GPR149: variants seen among roughly 807,000 people sequenced by gnomAD.
GPR149 encodes the protein G protein-coupled receptor 149, also known as probable G protein-coupled receptor 149.
A neutral mutation model predicts 50.2 loss-of-function variants in GPR149; 50 were observed. That is an observed-to-expected ratio of 1.00 (90% CI 0.79 to 1.26). The LOEUF (loss-of-function observed/expected upper bound fraction) is 1.26, where lower values mean the gene tolerates loss of function less well. Among genes scored for constraint, GPR149 ranks in the 50% most tolerant of loss-of-function variants. The probability of loss-of-function intolerance (pLI) is 0.00; values close to 1 mark genes in which losing one functional copy is unlikely to be tolerated. For missense variants in GPR149, 983 were observed against 895.4 expected (o/e 1.10, Z -1.25); for synonymous variants, 405 against 358.2 (o/e 1.13, Z -1.48).
chr3:154,371,952 G>A (rs1714675263), intron 3 of GPR149, among the ~76,000 whole-genome samples: 1 of 151,756 alleles, frequency 6.6e-6, no homozygotes, highest in Non-Finnish European at 1.5e-5. Flanking sequence ...AACCTCAAAT[G>A]AGCTCAACTC....
chr3:154,403,878 G>A (rs560756948), intron 3 of GPR149, among the ~76,000 whole-genome samples: 9 of 152,286 alleles, frequency 5.9e-5, no homozygotes, highest in Non-Finnish European at 4.4e-5. Context: ...TATGGGTGCT[G>A]CTCAGTACAG....
At chr3:154,415,620 G>T (rs2108426410) in intron 3 of GPR149, among the ~76,000 whole-genome samples, 1 of 151,924 alleles carries the variant, frequency 6.6e-6, no homozygotes, top group South Asian at 2.1e-4. Context: ...ACTTTTTTTG[G>T]TTTGTATGTT....
chr3:154,414,215 A>G (rs942986665), intron 3 of GPR149, among the ~76,000 whole-genome samples: 6 of 151,878 alleles, frequency 4.0e-5, no homozygotes, highest in African/African-American at 1.4e-4. Flanking sequence ...AGTGTACACT[A>G]CTCGGGTGAT....
chr3:154,409,446 A>G (rs965486864), intron 3 of GPR149, among the ~76,000 whole-genome samples: 3 of 152,150 alleles, frequency 2.0e-5, no homozygotes, highest in Admixed American at 2.0e-4. Flanking sequence ...GGCACCAAAG[A>G]AAGGTGAAGT....
intron 3 of GPR149, among the ~76,000 whole-genome samples, chr3:154,380,721 A>T (rs112745048): frequency 2.9e-5 from 3 of 103,450 alleles, no homozygotes; most frequent in Non-Finnish European, 7.9e-5. Flanking sequence ...AGTTTTTTTT[A>T]AATGAAAACC....
At chr3:154,420,908 T>C (rs1712121948) in intron 3 of GPR149, 131 bp downstream of exon 3, 1 of 658,800 alleles carries the variant, frequency 1.5e-6, no homozygotes, top group South Asian at 2.1e-5. Flanking sequence ...TTAAATAGCA[T>C]GGAAATTAAT....
chr3:154,380,682 A>G (rs1714902934), intron 3 of GPR149, among the ~76,000 whole-genome samples: 1 of 147,796 alleles, frequency 6.8e-6, no homozygotes, highest in South Asian at 2.2e-4. Context: ...ACTCTATAAA[A>G]GCATTTAAGA....
Position 154,429,680 on chromosome 3 carries a change from G to T in GPR149, c.-65C>A. The T allele has an allele frequency of 1.4e-6, 2 of 1,397,454 alleles. No individual in the cohort carries two copies. The highest frequency in any genetic ancestry group is 1.9e-5 in the Admixed American group (1 of 51,398). The allele number at this position is 1,397,454 out of a possible 1,614,324, so 86.6% of individuals were successfully genotyped here. A position where few individuals can be genotyped will look rare whatever the true frequency, so the allele number is the denominator to read the frequency against. On this transcript the variant is annotated 5_prime_UTR_variant, in exon 1 of 4. Coordinates refer to ENST00000389740, the MANE Select transcript of GPR149 (RefSeq NM_001038705.3). ...TGATAATTTTCTCAAAAGAAAGACCGGCTGCTGCAAATCAGATTTCATTCC... is the reference window on the plus strand; with the variant it reads ...TGATAATTTTCTCAAAAGAAAGACCTGCTGCTGCAAATCAGATTTCATTCC...
chr3:154,407,693 T>TACACATACACACACAC (rs1553766400), intron 3 of GPR149, among the ~76,000 whole-genome samples: 25 of 140,048 alleles, frequency 1.8e-4, no homozygotes, highest in African/African-American at 5.9e-4. Flanking sequence ...GTCATGTGTA[T>TACACATACACACACAC]ACACACACAC....
At chr3:154,370,564 G>T (rs1714641268) in intron 3 of GPR149, among the ~76,000 whole-genome samples, 1 of 152,136 alleles carries the variant, frequency 6.6e-6, no homozygotes, top group African/African-American at 2.4e-5. Context: ...CTGCTCCAGA[G>T]GATGAAGGCC....
At chr3:154,352,675 T>C in intron 3 of GPR149, 1 of 780,868 alleles carries the variant, frequency 1.3e-6, no homozygotes, top group Non-Finnish European at 2.4e-6. Context: ...TGCCCCTTTC[T>C]CTTCTATCAG....
intron 3 of GPR149, among the ~76,000 whole-genome samples, chr3:154,400,126 A>G (rs1207137181): frequency 6.6e-6 from 1 of 151,792 alleles, no homozygotes; most frequent in Non-Finnish European, 1.5e-5. Flanking sequence ...AGCTGGGACT[A>G]TAGGCGCCCG....
Position 154,429,487 on chromosome 3 carries a change from C to T in GPR149, c.129G>A (p.Met43Ile), listed in dbSNP as rs1166096253. ...TGCTGCCCACCAAGGCTGCAAAAGT[C>T]ATGAGACATGTCAAGCAAAAAAGAT... ...NIYLFCLTCLMTFAALVGSIY... is the reference protein window; with the variant it reads ...NIYLFCLTCLITFAALVGSIY... Residue 43 changes from methionine to isoleucine, a missense_variant, in exon 1 of 4, where the codon ATG (methionine) becomes ATA (isoleucine). Transcript: ENST00000389740. 4 of 1,614,114 alleles carry T rather than the reference C, an allele frequency of 2.5e-6. No individual in the cohort carries two copies. Among genetic ancestry groups the T allele is most frequent in the Non-Finnish European group, 3.4e-6 (4 of 1,180,020 alleles).
At chr3:154,384,350 A>G (rs887455280) in intron 3 of GPR149, among the ~76,000 whole-genome samples, 1 of 152,220 alleles carries the variant, frequency 6.6e-6, no homozygotes. Flanking sequence ...TATTTGCCTC[A>G]TCAGTAACTG....
intron 3 of GPR149, among the ~76,000 whole-genome samples, chr3:154,341,944 TA>T (rs1411159318): frequency 6.6e-6 from 1 of 152,178 alleles, no homozygotes; most frequent in Non-Finnish European, 1.5e-5. Context: ...AATTATACTT[TA>T]AAAACAAACA....
rs571419051 is a variant in GPR149, at chr3:154,357,445, C to T, written c.1624-19174G>A. 5.7e-3 allele frequency among the ~76,000 whole-genome samples: 869 copies of T among 152,074 alleles called. 12 individuals carry two copies. The highest frequency in any genetic ancestry group is 0.02 in the African/African-American group (810 of 41,452). ...CGCAACCTACTCATCTGACAAAGGG[C>T]TAATATCCAGAATCTACAATGAACT... On this transcript the variant is annotated intron_variant, in intron 3 of 3. Transcript: ENST00000389740.
chr3:154,357,433 T>A (rs1391196367), intron 3 of GPR149, among the ~76,000 whole-genome samples: 2 of 152,010 alleles, frequency 1.3e-5, no homozygotes, highest in Non-Finnish European at 2.9e-5. Flanking sequence ...AACCTACTCA[T>A]CTGACAAAGG....
rs773500756 is a variant in GPR149, at chr3:154,427,529, G to T, written c.1161C>A (p.Ser387=). 6.2e-6 allele frequency: 10 copies of T among 1,602,974 alleles called. No homozygotes were observed. The highest frequency in any genetic ancestry group is 8.5e-6 in the Non-Finnish European group (10 of 1,176,654). Residue 387 remains serine, a synonymous_variant, in exon 2 of 4, where the codon TCC becomes TCA. Transcript: ENST00000389740. ...NCRQNAYAVA[S]DGKKIKRKGF... ...TTGAGGACTTACTTTTTTTCCCATCGGACGCCACTGCATATGCGTTCTGCC... is the reference window on the plus strand; with the variant it reads ...TTGAGGACTTACTTTTTTTCCCATCTGACGCCACTGCATATGCGTTCTGCC...
chr3:154,407,945 A>C (rs892579352), intron 3 of GPR149, among the ~76,000 whole-genome samples: 1 of 152,146 alleles, frequency 6.6e-6, no homozygotes, highest in Non-Finnish European at 1.5e-5. Flanking sequence ...AATGCTAAAA[A>C]ATGATTATGT....
Sources: allele counts gnomAD v4.1 joint callset (sites outside exome capture counted in the v4.1 genomes callset), GRCh38; gene constraint gnomAD v4.1.1; transcripts MANE v1.5; gene names NCBI Gene and HGNC (gene_info 2026-07-23, HGNC 2026-07-21).